MAML3: variants seen among roughly 807,000 people sequenced by gnomAD.
The protein encoded by MAML3 is mastermind like transcriptional coactivator 3.
In MAML3, 27 loss-of-function variants were observed where a neutral mutation model predicts 101.9. The observed-to-expected ratio is 0.27, with a 90% confidence interval of 0.20 to 0.37. The LOEUF is 0.37. Among genes scored for constraint, MAML3 ranks in the 10% least tolerant of loss-of-function variants. The pLI is 1.00. For missense variants in MAML3, 1,316 were observed against 1,444.9 expected, an observed-to-expected ratio of 0.91 and a Z score of 1.45; for synonymous variants, 501 against 555.9, an observed-to-expected ratio of 0.90 and a Z score of 1.39.
intron 2 of MAML3, among the ~76,000 whole-genome samples, chr4:139,815,878 C>A (rs1412142474): frequency 6.6e-6 from 1 of 152,112 alleles, no homozygotes; most frequent in Non-Finnish European, 1.5e-5. Context: ...AGTAACACAG[C>A]AACAATACGG....
rs1315733286 is a variant in MAML3 at position 139,802,627 on chromosome 4, C to T, written c.2080-71960G>A. On this transcript the variant is annotated intron_variant, in intron 2 of 4. Transcript: ENST00000509479. ...TACAGTTGTTTGTTGTAGGAGCAGG[C>T]TTCCCTGAGTGCCCCTGCAGTGGCA... 2.6e-5 allele frequency among the ~76,000 whole-genome samples: 4 copies of T among 152,230 alleles called. No homozygotes were observed. The East Asian group carries it at 7.7e-4, about 29-fold the overall frequency.
intron 1 of MAML3, among the ~76,000 whole-genome samples, chr4:139,907,051 T>G (rs1732834648): frequency 6.6e-6 from 1 of 152,218 alleles, no homozygotes; most frequent in South Asian, 2.1e-4. Flanking sequence ...TAGATTTCAC[T>G]GAAGACTGAC....
intron 1 of MAML3, among the ~76,000 whole-genome samples, chr4:140,135,809 C>T (rs1301324386): frequency 6.6e-6 from 1 of 152,238 alleles, no homozygotes. Flanking sequence ...GCTGTCAGCC[C>T]AGGAGCTGTT....
chr4:139,819,100 G>A (rs1034514875), intron 2 of MAML3, among the ~76,000 whole-genome samples: 1 of 152,192 alleles, frequency 6.6e-6, no homozygotes, highest in Admixed American at 6.5e-5. Flanking sequence ...AGCATGAAAT[G>A]AAGGCAGGTA....
intron 2 of MAML3, among the ~76,000 whole-genome samples, chr4:139,881,897 C>T (rs1732227836): frequency 1.3e-5 from 2 of 152,070 alleles, no homozygotes; most frequent in Non-Finnish European, 2.9e-5. Context: ...GACGGGGTTT[C>T]ACCATATTGG....
At chr4:140,097,466 G>A (rs1728182920) in intron 1 of MAML3, among the ~76,000 whole-genome samples, 1 of 152,034 alleles carries the variant, frequency 6.6e-6, no homozygotes, top group Admixed American at 6.6e-5. Flanking sequence ...TACAACCAAA[G>A]TAAATCCAAA....
intron 1 of MAML3, among the ~76,000 whole-genome samples, chr4:139,911,766 A>G (rs1414468004): frequency 6.6e-6 from 1 of 152,208 alleles, no homozygotes; most frequent in Non-Finnish European, 1.5e-5. Flanking sequence ...CATCGGAAGA[A>G]GACAGTTGTC....
chr4:140,049,682 A>T (rs1381612804), intron 1 of MAML3, among the ~76,000 whole-genome samples: 10 of 133,604 alleles, frequency 7.5e-5, no homozygotes, highest in Admixed American at 4.3e-4. Flanking sequence ...CTTTTTTTTT[A>T]AAAGGACAGA....
At chr4:139,730,111 A>G (rs1256311218) in intron 3 of MAML3, among the ~76,000 whole-genome samples, 2 of 152,228 alleles carry the variant, frequency 1.3e-5, no homozygotes, top group African/African-American at 4.8e-5. Flanking sequence ...TGCTGATTAC[A>G]CAGACCCCTG....
Position 140,035,123 on chromosome 4 carries a change from C to T in MAML3, c.468+117737G>A, listed in dbSNP as rs184003952. Among the ~76,000 whole-genome samples, 92 of 152,240 alleles carry T rather than the reference C, an allele frequency of 6.0e-4. No homozygotes were observed. The Middle Eastern group carries it at 0.017, about 28-fold the overall frequency. On this transcript the variant is annotated intron_variant, in intron 1 of 4. Coordinates refer to ENST00000509479, the MANE Select transcript of MAML3 (RefSeq NM_018717.5). ...TAGCTGGGATTACAGGTGCCTGCCA[C>T]ACCATGCCTGGCTAATTTTTTCGTA... is the stretch of plus-strand genomic sequence containing the variant.
chr4:139,888,018 A>T (rs1242341338), intron 2 of MAML3, among the ~76,000 whole-genome samples: 1 of 152,218 alleles, frequency 6.6e-6, no homozygotes, highest in African/African-American at 2.4e-5. Context: ...TTATTTATCC[A>T]GACGGAATCT....
chr4:139,988,389 C>A lies in MAML3; in HGVS notation c.469-97422G>T, dbSNP rs570991570. On this transcript the variant is annotated intron_variant, in intron 1 of 4. Coordinates refer to ENST00000509479, the MANE Select transcript of MAML3 (RefSeq NM_018717.5). ...GTCCCACCATTACTACTTTGAAGGA[C>A]TTTTAGGCTTAACAATAATGGGAAC... Among the ~76,000 whole-genome samples the A allele has an allele frequency of 3.4e-5, 5 of 148,928 alleles. No individual in the cohort carries two copies. In the East Asian group the frequency reaches 8.0e-4, roughly 24 times the overall value.
intron 2 of MAML3, among the ~76,000 whole-genome samples, chr4:139,826,374 C>A (rs779978457): frequency 1.3e-5 from 2 of 152,036 alleles, no homozygotes; most frequent in African/African-American, 4.8e-5. Flanking sequence ...AGAGTGCTTA[C>A]CTTCTTATTA....
chr4:139,957,120 G>A (rs1733930026), intron 1 of MAML3, among the ~76,000 whole-genome samples: 1 of 152,106 alleles, frequency 6.6e-6, no homozygotes, highest in Non-Finnish European at 1.5e-5. Flanking sequence ...CAGATGCTGT[G>A]GTCTTAACCA....
At chr4:139,926,889 G>A (rs1046042840) in intron 1 of MAML3, among the ~76,000 whole-genome samples, 9 of 152,106 alleles carry the variant, frequency 5.9e-5, no homozygotes, top group East Asian at 1.9e-4. Flanking sequence ...ATCCTATTCC[G>A]GATGATCCCA....
At chr4:140,134,513 A>T (rs1428092234) in intron 1 of MAML3, 2 of 371,352 alleles carry the variant, frequency 5.4e-6, no homozygotes, top group Non-Finnish European at 1.1e-5. Context: ...ACCAGTGATT[A>T]AAAATGTAAA....
intron 2 of MAML3, among the ~76,000 whole-genome samples, chr4:139,768,105 GT>G (rs1729900064): frequency 6.6e-6 from 1 of 152,032 alleles, no homozygotes; most frequent in African/African-American, 2.4e-5. Flanking sequence ...TTTTTAATGA[GT>G]TTTGTCTTGA....
Position 139,785,346 on chromosome 4 carries a change from A to C in MAML3, c.2080-54679T>G, listed in dbSNP as rs890236545. On this transcript the variant is annotated intron_variant, in intron 2 of 4. Transcript: ENST00000509479. The surrounding 1 kb of genome is among the most constrained non-coding windows in gnomAD (Gnocchi z 4.3). ...TCACTTTCATAGGGCTCTGGGCAGAAAATAAAATGACAGCAGAGCTGTATT... is the reference window on the plus strand; with the variant it reads ...TCACTTTCATAGGGCTCTGGGCAGACAATAAAATGACAGCAGAGCTGTATT... 1.5e-4 allele frequency among the ~76,000 whole-genome samples: 23 copies of C among 152,248 alleles called. No individual in the cohort carries two copies. The highest frequency in any genetic ancestry group is 5.5e-4 in the African/African-American group (23 of 41,470).
chr4:140,122,265 A>C (rs1312678426), intron 1 of MAML3, among the ~76,000 whole-genome samples: 1 of 126,806 alleles, frequency 7.9e-6, no homozygotes, highest in Admixed American at 8.9e-5. Context: ...TTTGTCCCCC[A>C]GGCTGGAGTG....
Sources: gnomAD v4.1 joint callset for allele counts (sites outside exome capture counted in the v4.1 genomes callset) on GRCh38, gnomAD v4.1.1 for gene constraint, Gnocchi (gnomAD v3.1) non-coding constraint, MANE v1.5 for transcripts, NCBI Gene and HGNC (gene_info 2026-07-23, HGNC 2026-07-21) for gene names.